Variants in PHKB observed in about 807,000 individuals in gnomAD.
PHKB encodes phosphorylase kinase regulatory subunit beta.
Under a neutral mutation model 152.1 loss-of-function variants are expected in PHKB, and 122 were observed. The ratio of observed to expected loss-of-function variants is 0.80; its 90% CI spans 0.69 to 0.93. The LOEUF (loss-of-function observed/expected upper bound fraction) is 0.93, where lower values mean the gene tolerates loss of function less well. Among genes scored for constraint, PHKB ranks in the 40% least tolerant of loss-of-function variants. PHKB has a pLI of 0.00. For missense variants in PHKB, 1,304 were observed against 1,328.4 expected (o/e 0.98, Z 0.29); for synonymous variants, 436 against 464.9 (o/e 0.94, Z 0.80).
In PHKB at chr16:47,495,900, C is replaced by T. The variant is rs78066645; in HGVS notation, c.77-1499C>T. The stretch of plus-strand genomic sequence containing the variant: ...TACTCTTGTAAGAAAATCTTCTTTT[C>T]GCTCAGAGCAAGTCTTATCTACAAA... On this transcript the variant is annotated intron_variant, in intron 1 of 30. Transcript: ENST00000323584. Among the ~76,000 whole-genome samples, 22 of 152,290 alleles carry T rather than the reference C, an allele frequency of 1.4e-4. No individual in the cohort carries two copies. The East Asian group carries it at 4.1e-3, about 28-fold the overall frequency.
At chr16:47,574,361 T>C (rs1971715479) in intron 7 of PHKB, among the ~76,000 whole-genome samples, 1 of 152,208 alleles carries the variant, frequency 6.6e-6, no homozygotes, top group Admixed American at 6.5e-5. Flanking sequence ...AGACATATTT[T>C]CACCTGACTC....
At chr16:47,543,682 A>G (rs1236555143) in intron 6 of PHKB, among the ~76,000 whole-genome samples, 1 of 152,070 alleles carries the variant, frequency 6.6e-6, no homozygotes, top group East Asian at 1.9e-4. Context: ...TTCAGAGCCT[A>G]TTATTGATCT....
intron 29 of PHKB, among the ~76,000 whole-genome samples, chr16:47,697,069 CT>C (rs1299784305): frequency 6.6e-6 from 1 of 152,170 alleles, no homozygotes; most frequent in Non-Finnish European, 1.5e-5. Context: ...CACATGTGTC[CT>C]TTTGTCATGT....
At chr16:47,639,339 A>C (rs1054028874) in intron 14 of PHKB, among the ~76,000 whole-genome samples, 1 of 152,252 alleles carries the variant, frequency 6.6e-6, no homozygotes, top group Admixed American at 6.5e-5. Context: ...TGGTAAAAAC[A>C]GAACAGATAG....
At chr16:47,479,655 A>G (rs1253025703) in intron 1 of PHKB, among the ~76,000 whole-genome samples, 1 of 152,150 alleles carries the variant, frequency 6.6e-6, no homozygotes, top group Non-Finnish European at 1.5e-5. Context: ...ATATTTGTTG[A>G]GCAGCAGTCC....
chr16:47,566,224 G>A (rs1264027045), intron 7 of PHKB: 5 of 778,688 alleles, frequency 6.4e-6, no homozygotes, highest in African/African-American at 1.7e-5. Flanking sequence ...TAACGATCTC[G>A]ATACTTGTCT....
intron 14 of PHKB, among the ~76,000 whole-genome samples, chr16:47,622,742 C>T (rs544490544): frequency 2.8e-4 from 43 of 152,214 alleles, no homozygotes; most frequent in African/African-American, 9.4e-4. Flanking sequence ...GTCATAAGAG[C>T]TTATTTTCTG....
rs75628138 is a variant in PHKB, at chr16:47,688,681, CT to C, written c.2631-343del. The stretch of plus-strand genomic sequence containing the variant: ...CATTGTTTCTCTGTAGCTCTCTTTC[CT>C]TTTTTTTTTTTTTTTTGGCATGTAT... On this transcript the variant is annotated intron_variant, in intron 26 of 30. Coordinates refer to ENST00000323584, the MANE Select transcript of PHKB (RefSeq NM_000293.3). Among the ~76,000 whole-genome samples, 998 of 124,630 alleles carry C rather than the reference CT, an allele frequency of 8.0e-3. 12 individuals carry two copies. The highest frequency in any genetic ancestry group is 0.039 in the Admixed American group (472 of 12,240). 81.8% of individuals were successfully genotyped at this position (124,630 alleles called of 152,430 possible).
intron 11 of PHKB, among the ~76,000 whole-genome samples, chr16:47,593,918 A>C (rs889895661): frequency 1.3e-5 from 2 of 152,208 alleles, no homozygotes; most frequent in African/African-American, 4.8e-5. Context: ...AATTCAATTA[A>C]AATTCAGTTT....
intron 3 of PHKB, among the ~76,000 whole-genome samples, chr16:47,501,238 A>G (rs1382946073): frequency 1.3e-5 from 2 of 152,224 alleles, no homozygotes; most frequent in African/African-American, 4.8e-5. Flanking sequence ...GAGTCTACAT[A>G]TGAACAAAGC....
chr16:47,582,617 G>A (rs1191408804), intron 8 of PHKB, among the ~76,000 whole-genome samples: 2 of 151,944 alleles, frequency 1.3e-5, no homozygotes, highest in Non-Finnish European at 2.9e-5. Flanking sequence ...AGATTTTTTG[G>A]AACTTCTCAG....
At chr16:47,502,914 A>C in intron 3 of PHKB, 77 bp from the exon 4 acceptor site, 1 of 886,528 alleles carries the variant, frequency 1.1e-6, no homozygotes. Context: ...AGATAGTTAA[A>C]TACTTAATTA....
At chr16:47,484,692 G>A (rs1192588437) in intron 1 of PHKB, among the ~76,000 whole-genome samples, 2 of 152,096 alleles carry the variant, frequency 1.3e-5, no homozygotes, top group African/African-American at 4.8e-5. Context: ...CCTCCATGTG[G>A]TATGACAAAG....
chr16:47,480,913 A>G (rs767614658), intron 1 of PHKB, among the ~76,000 whole-genome samples: 1 of 152,220 alleles, frequency 6.6e-6, no homozygotes, highest in Non-Finnish European at 1.5e-5. Context: ...TGAATAGCAT[A>G]TTGAATGATG....
chr16:47,506,041 A>G (rs1159243582), intron 4 of PHKB, among the ~76,000 whole-genome samples: 7 of 149,334 alleles, frequency 4.7e-5, no homozygotes, highest in South Asian at 4.2e-4. Flanking sequence ...AAAAAAAAAA[A>G]AAAAGAAAAA....
intron 16 of PHKB, among the ~76,000 whole-genome samples, chr16:47,646,575 A>T (rs990288009): frequency 2.7e-5 from 4 of 149,666 alleles, no homozygotes; most frequent in South Asian, 2.1e-4. Flanking sequence ...AAAATAATAA[A>T]AAAAAAAAAG....
At chr16:47,519,933 T>A (rs1345752388) in intron 6 of PHKB, among the ~76,000 whole-genome samples, 1 of 152,182 alleles carries the variant, frequency 6.6e-6, no homozygotes, top group Non-Finnish European at 1.5e-5. Flanking sequence ...AGTTGTTGTG[T>A]ACATGTTTTT....
chr16:47,671,953 GAAC>G (rs1401666662), intron 26 of PHKB, among the ~76,000 whole-genome samples: 1 of 151,908 alleles, frequency 6.6e-6, no homozygotes, highest in African/African-American at 2.4e-5. Flanking sequence ...TTTTATAAAA[GAAC>G]AATAATAATA....
At chr16:47,542,378 T>G (rs902898323) in intron 6 of PHKB, among the ~76,000 whole-genome samples, 8 of 152,200 alleles carry the variant, frequency 5.3e-5, no homozygotes, top group Non-Finnish European at 7.3e-5. Flanking sequence ...TTGGTACCAG[T>G]ACCATGCTGT....
Sources: gnomAD v4.1 joint callset for allele counts (sites outside exome capture counted in the v4.1 genomes callset) on GRCh38, gnomAD v4.1.1 for gene constraint, MANE v1.5 for transcripts, NCBI Gene and HGNC (gene_info 2026-07-23, HGNC 2026-07-21) for gene names.